The following IQGAP2 variants were observed in gnomAD, a reference collection of about 807,000 sequenced individuals.
IQGAP2 encodes ras GTPase-activating-like protein IQGAP2.
In IQGAP2, 173 loss-of-function variants were observed where a neutral mutation model predicts 201.3. The observed-to-expected ratio is 0.86, with a 90% CI of 0.76 to 0.98. The LOEUF (loss-of-function observed/expected upper bound fraction) is 0.98. Ranked by LOEUF, IQGAP2 falls within the 50% of genes least tolerant of loss-of-function variation. The pLI, the probability that IQGAP2 is intolerant of heterozygous loss-of-function variation, is 0.00. For missense variants in IQGAP2, 1,687 were observed against 1,864.8 expected (o/e 0.90, Z 1.76); for synonymous variants, 675 against 673.9 (o/e 1.00, Z -0.03).
At chr5:76,420,374 C>CTTT (rs36086215) in intron 1 of IQGAP2, among the ~76,000 whole-genome samples, 7 of 122,136 alleles carry the variant, frequency 5.7e-5, no homozygotes, top group Non-Finnish European at 8.8e-5. Flanking sequence ...ATCTTTGGAA[C>CTTT]TTTTTTTTTT....
At chr5:76,699,605 T>TTCTCTCTCTCTCTCTCTC (rs757841586) in intron 33 of IQGAP2, 1 of 49,532 alleles carries the variant, frequency 2.0e-5, no homozygotes. Context: ...TTCTCTCTGT[T>TTCTCTCTCTCTCTCTCTC]TCTCTCTCTC....
chr5:76,646,816 A>T (rs1252333578), intron 17 of IQGAP2, among the ~76,000 whole-genome samples: 1 of 152,160 alleles, frequency 6.6e-6, no homozygotes, highest in African/African-American at 2.4e-5. Context: ...GTACCATTAT[A>T]ATTTTATTCC....
intron 1 of IQGAP2, among the ~76,000 whole-genome samples, chr5:76,455,728 G>C (rs193081726): frequency 3.3e-5 from 5 of 152,212 alleles, no homozygotes; most frequent in Non-Finnish European, 7.4e-5. Context: ...CAACAAAGAG[G>C]GTATTGGCAG....
At chr5:76,420,362 C>T (rs911691582) in intron 1 of IQGAP2, among the ~76,000 whole-genome samples, 4 of 147,208 alleles carry the variant, frequency 2.7e-5, no homozygotes, top group African/African-American at 7.4e-5. Context: ...TCATCACGAT[C>T]TATCTTTGGA....
intron 2 of IQGAP2, among the ~76,000 whole-genome samples, chr5:76,476,317 A>G (rs777825643): frequency 1.2e-4 from 19 of 152,116 alleles, no homozygotes; most frequent in Non-Finnish European, 2.6e-4. Flanking sequence ...GAGAGGGAAG[A>G]GTGAAGCCCT....
chr5:76,678,752 T>TA (rs2150503734), intron 28 of IQGAP2, among the ~76,000 whole-genome samples: 1 of 152,366 alleles, frequency 6.6e-6, no homozygotes, highest in South Asian at 2.1e-4. Flanking sequence ...GGTTGTGCTC[T>TA]AGCCCCCATC....
At chr5:76,516,268 A>G (rs1333579241) in intron 2 of IQGAP2, among the ~76,000 whole-genome samples, 2 of 152,320 alleles carry the variant, frequency 1.3e-5, no homozygotes, top group East Asian at 1.9e-4. Context: ...ATATAAATCT[A>G]TAATGTAATG....
chr5:76,490,605 T>C (rs1426602039), intron 2 of IQGAP2, among the ~76,000 whole-genome samples: 1 of 152,072 alleles, frequency 6.6e-6, no homozygotes, highest in African/African-American at 2.4e-5. Flanking sequence ...CCCACTCAAG[T>C]GGGGCGGCCT....
intron 5 of IQGAP2, among the ~76,000 whole-genome samples, chr5:76,585,325 C>A (rs1422283379): frequency 2.0e-5 from 3 of 152,064 alleles, no homozygotes; most frequent in African/African-American, 7.2e-5. Context: ...TTATGGATGT[C>A]TGCTTACATT....
At chr5:76,627,771 T>G (rs773942969) in intron 14 of IQGAP2, among the ~76,000 whole-genome samples, 28 of 152,216 alleles carry the variant, frequency 1.8e-4, no homozygotes, top group Non-Finnish European at 2.6e-4. Context: ...ATTCTTTTTT[T>G]CTCTTGATTT....
chr5:76,595,786 G>C (rs546814175), intron 9 of IQGAP2, among the ~76,000 whole-genome samples: 2 of 151,856 alleles, frequency 1.3e-5, no homozygotes, highest in South Asian at 2.1e-4. Flanking sequence ...GAGAGAGAGA[G>C]AGAGAGAGAG....
At chr5:76,426,421 A>C (rs1464754695) in intron 1 of IQGAP2, among the ~76,000 whole-genome samples, 1 of 152,198 alleles carries the variant, frequency 6.6e-6, no homozygotes. Context: ...CAGCCTTTAC[A>C]GCAACCTTTG....
chr5:76,495,785 A>G (rs1561415290), intron 2 of IQGAP2, among the ~76,000 whole-genome samples: 1 of 152,164 alleles, frequency 6.6e-6, no homozygotes, highest in Non-Finnish European at 1.5e-5. Context: ...GTCCCAGCTC[A>G]AACAACCAGA....
chr5:76,695,785 C>T (rs754447666), intron 32 of IQGAP2, 119 bp downstream of exon 32: 64 of 673,546 alleles, frequency 9.5e-5, no homozygotes, highest in Non-Finnish European at 1.1e-4. Context: ...GCTGTGGTTA[C>T]TGCCCTCTTC....
intron 2 of IQGAP2, among the ~76,000 whole-genome samples, chr5:76,501,868 C>T (rs2150169680): frequency 6.6e-6 from 1 of 152,066 alleles, no homozygotes; most frequent in South Asian, 2.1e-4. Flanking sequence ...GTCTCGAACT[C>T]CTGACCTCAG....
At chr5:76,519,325 G>A (rs1458481098) in intron 2 of IQGAP2, among the ~76,000 whole-genome samples, 1 of 152,158 alleles carries the variant, frequency 6.6e-6, no homozygotes, top group Non-Finnish European at 1.5e-5. Context: ...AATCTTTTAA[G>A]ACTGGCAGCC....
intron 17 of IQGAP2, among the ~76,000 whole-genome samples, chr5:76,648,196 G>A (rs1752223948): frequency 6.6e-6 from 1 of 152,126 alleles, no homozygotes; most frequent in Non-Finnish European, 1.5e-5. Context: ...GCAATAACGA[G>A]GAGGCCTTCC....
intron 28 of IQGAP2, among the ~76,000 whole-genome samples, chr5:76,679,995 G>C (rs1047980158): frequency 6.6e-6 from 1 of 152,182 alleles, no homozygotes; most frequent in Non-Finnish European, 1.5e-5. Flanking sequence ...TCTGAGGTGT[G>C]TTCTCTCTTT....
chr5:76,406,990 T>A (rs561620295), intron 1 of IQGAP2, among the ~76,000 whole-genome samples: 23 of 152,254 alleles, frequency 1.5e-4, no homozygotes, highest in Middle Eastern at 3.4e-3. Context: ...TATTATTATT[T>A]TTTTTTTAGG....
Sources: allele counts gnomAD v4.1 joint callset (sites outside exome capture counted in the v4.1 genomes callset), GRCh38; gene constraint gnomAD v4.1.1; transcripts MANE v1.5; gene names NCBI Gene and HGNC (gene_info 2026-07-23, HGNC 2026-07-21).